Variants in ADGRB3 observed in about 807,000 individuals in gnomAD.
ADGRB3 encodes brain-specific angiogenesis inhibitor 3.
In ADGRB3, 37 loss-of-function variants were observed where a neutral mutation model predicts 193.4. That is an observed-to-expected ratio of 0.19 (90% CI 0.15 to 0.25). The LOEUF (loss-of-function observed/expected upper bound fraction) is 0.25, where lower values mean the gene tolerates loss of function less well. Ranked by LOEUF, ADGRB3 falls within the 10% of genes least tolerant of loss-of-function variation. The pLI, the probability that ADGRB3 is intolerant of heterozygous loss-of-function variation, is 1.00. For synonymous variants in ADGRB3, 690 were observed against 644.2 expected (o/e 1.07, Z -1.08); for missense variants, 1,637 against 1,852.9 (o/e 0.88, Z 2.14).
chr6:68,994,817 A>C, intron 11 of ADGRB3, among the ~76,000 whole-genome samples: 1 of 152,070 alleles, frequency 6.6e-6, no homozygotes, highest in East Asian at 1.9e-4. Flanking sequence ...CCTTCAGCCT[A>C]CTCTAAATTT....
intron 3 of ADGRB3, among the ~76,000 whole-genome samples, chr6:68,856,871 G>T (rs1765003091): frequency 1.3e-5 from 2 of 152,324 alleles, no homozygotes; most frequent in South Asian, 2.1e-4. Flanking sequence ...AGGAGGAAAA[G>T]ATGATTTCAT....
chr6:68,655,660 A>T, intron 3 of ADGRB3, among the ~76,000 whole-genome samples: 1 of 151,666 alleles, frequency 6.6e-6, no homozygotes, highest in East Asian at 1.9e-4. Context: ...CTAAGTTAAG[A>T]CATGTCTATT....
At chr6:69,104,125 T>C (rs955277296) in intron 17 of ADGRB3, among the ~76,000 whole-genome samples, 23 of 151,698 alleles carry the variant, frequency 1.5e-4, no homozygotes, top group Non-Finnish European at 2.8e-4. Flanking sequence ...CATGCTGGTG[T>C]GCTGCACCCA....
At chr6:69,292,958 G>A (rs1173941228) in intron 20 of ADGRB3, among the ~76,000 whole-genome samples, 1 of 148,288 alleles carries the variant, frequency 6.7e-6, no homozygotes, top group Non-Finnish European at 1.5e-5. Context: ...TAGAGCAGCT[G>A]CATCTCCTCT....
Position 68,700,474 on chromosome 6 carries a change from A to G in ADGRB3, c.757+61042A>G, listed in dbSNP as rs187508889. On this transcript the variant is annotated intron_variant, in intron 3 of 31. Transcript: ENST00000370598. The stretch of plus-strand genomic sequence containing the variant: ...AAAAGGGATTTGGAAAGTATAAATG[A>G]GATCTGCTGTAATTTTTCTCCTCTA... Among the ~76,000 whole-genome samples the G allele has an allele frequency of 3.5e-3, 539 of 152,266 alleles. 2 individuals are homozygous for G. Among genetic ancestry groups the G allele is most frequent in the African/African-American group, 0.012 (509 of 41,572 alleles).
intron 11 of ADGRB3, among the ~76,000 whole-genome samples, chr6:69,003,130 A>G (rs1769631408): frequency 6.6e-6 from 1 of 152,164 alleles, no homozygotes; most frequent in Non-Finnish European, 1.5e-5. Flanking sequence ...TCAAGTACTT[A>G]CTCAGTACCT....
chr6:69,255,301 T>G (rs1478648526), intron 20 of ADGRB3, among the ~76,000 whole-genome samples: 13 of 152,122 alleles, frequency 8.5e-5, no homozygotes, highest in Non-Finnish European at 1.2e-4. Flanking sequence ...CTACAATGGT[T>G]GAACTAGTTT....
At chr6:69,239,645 C>T (rs1299243016) in intron 20 of ADGRB3, among the ~76,000 whole-genome samples, 1 of 151,954 alleles carries the variant, frequency 6.6e-6, no homozygotes, top group African/African-American at 2.4e-5. Context: ...ACAAGTGTAA[C>T]ATCTCTCTTG....
At chr6:68,831,565 G>A (rs866124744) in intron 3 of ADGRB3, among the ~76,000 whole-genome samples, 7 of 152,216 alleles carry the variant, frequency 4.6e-5, no homozygotes, top group Middle Eastern at 3.4e-3. Flanking sequence ...GGTAGTGAAT[G>A]AGAACTCTGA....
At chr6:68,767,300 T>C (rs1356835749) in intron 3 of ADGRB3, among the ~76,000 whole-genome samples, 1 of 152,146 alleles carries the variant, frequency 6.6e-6, no homozygotes, top group African/African-American at 2.4e-5. Context: ...AAAATAATAC[T>C]GGCAAGCCGA....
chr6:69,169,089 A>G (rs1775204717), intron 17 of ADGRB3, among the ~76,000 whole-genome samples: 1 of 152,158 alleles, frequency 6.6e-6, no homozygotes, highest in African/African-American at 2.4e-5. Context: ...GTAGGAAAAA[A>G]AGATAGTTCC....
At chr6:69,051,934 G>C (rs1433706410) in intron 15 of ADGRB3, among the ~76,000 whole-genome samples, 1 of 151,896 alleles carries the variant, frequency 6.6e-6, no homozygotes, top group Non-Finnish European at 1.5e-5. Context: ...TCGCTCTGTT[G>C]CCCAGGCTGG....
At position 68,956,747 on chromosome 6, in the gene ADGRB3, C is replaced by T. The variant is rs79063069; in HGVS notation, c.1463C>T (p.Thr488Ile). Residue 488 changes from threonine to isoleucine, a missense_variant, in exon 8 of 32, where the codon ACA (threonine) becomes ATA (isoleucine). By Grantham distance (89) the Thr-to-Ile change is moderately conservative. Around this residue, in one of 7 missense-constraint regions of ADGRB3, gnomAD observed 641 missense variants for 673.9 expected, o/e 0.95. Coordinates refer to ENST00000370598, the MANE Select transcript of ADGRB3 (RefSeq NM_001704.3). ...RIRTCQGAVI[T>I]GQQCEGTGEE... ...AGGACCTGTCAGGGTGCAGTGATAACAGGGCAGCAATGTGAAGGAACGGGC... is the reference window on the plus strand; with the variant it reads ...AGGACCTGTCAGGGTGCAGTGATAATAGGGCAGCAATGTGAAGGAACGGGC... The T allele has an allele frequency of 6.2e-7, 1 of 1,613,880 alleles. No individual in the cohort carries two copies. Among genetic ancestry groups the T allele is most frequent in the Admixed American group, 1.7e-5 (1 of 59,996 alleles).
chr6:68,704,181 G>A (rs778935482), intron 3 of ADGRB3, among the ~76,000 whole-genome samples: 6 of 152,142 alleles, frequency 3.9e-5, no homozygotes, highest in Non-Finnish European at 8.8e-5. Flanking sequence ...TATAAAATAT[G>A]AGAAAGAAAA....
chr6:68,662,686 G>A (rs1421615525), intron 3 of ADGRB3, among the ~76,000 whole-genome samples: 1 of 151,346 alleles, frequency 6.6e-6, no homozygotes, highest in African/African-American at 2.4e-5. Flanking sequence ...ATCTGCTATA[G>A]AAACTTTAGA....
At chr6:68,733,970 C>G (rs1765825579) in intron 3 of ADGRB3, among the ~76,000 whole-genome samples, 1 of 151,232 alleles carries the variant, frequency 6.6e-6, no homozygotes, top group Non-Finnish European at 1.5e-5. Flanking sequence ...TCTCATAGAC[C>G]CCAGAAATGT....
chr6:68,645,345 GA>G (rs913475954), intron 3 of ADGRB3, among the ~76,000 whole-genome samples: 4 of 151,970 alleles, frequency 2.6e-5, no homozygotes, highest in Admixed American at 1.3e-4. Flanking sequence ...CATCATGTAT[GA>G]AAAAAATTAA....
chr6:69,383,821 C>A (rs180794638), intron 31 of ADGRB3, among the ~76,000 whole-genome samples: 172 of 152,174 alleles, frequency 1.1e-3, no homozygotes, highest in Admixed American at 3.1e-3. Context: ...TGCCATCTGA[C>A]ACCAGCTCTT....
chr6:69,127,911 T>G lies in ADGRB3; in HGVS notation c.2480+51873T>G, dbSNP rs903496074. 8.3e-4 allele frequency among the ~76,000 whole-genome samples: 125 copies of G among 150,950 alleles called. No individual in the cohort carries two copies. The Middle Eastern group carries it at 0.01, about 12-fold the overall frequency. ...AAGATAATAGTTTTTTTTTTGTTTT[T>G]TTTTTCTGGCATGGCATTTGGACAT... On this transcript the variant is annotated intron_variant, in intron 17 of 31. Coordinates refer to ENST00000370598, the MANE Select transcript of ADGRB3 (RefSeq NM_001704.3).
Sources: allele counts gnomAD v4.1 joint callset (sites outside exome capture counted in the v4.1 genomes callset), GRCh38; gene constraint gnomAD v4.1.1; regional missense constraint gnomAD v4.1.1; transcripts MANE v1.5; gene names NCBI Gene and HGNC (gene_info 2026-07-23, HGNC 2026-07-21).